The following DTNB variants were observed in gnomAD, a reference collection of about 807,000 sequenced individuals.
DTNB encodes the protein DTN-B.
Under a neutral mutation model 90.7 loss-of-function variants are expected in DTNB, and 63 were observed. The observed-to-expected ratio is 0.69, with a 90% CI of 0.57 to 0.86. The LOEUF (loss-of-function observed/expected upper bound fraction) is 0.86. Ranked by LOEUF, DTNB falls within the 40% of genes least tolerant of loss-of-function variation. The pLI is 0.00. For missense variants in DTNB, 744 were observed against 807.1 expected, an observed-to-expected ratio of 0.92 and a Z score of 0.95; for synonymous variants, 277 against 286.7, an observed-to-expected ratio of 0.97 and a Z score of 0.34.
At chr2:25,536,113 C>T (rs1451048701) in intron 8 of DTNB, among the ~76,000 whole-genome samples, 1 of 149,560 alleles carries the variant, frequency 6.7e-6, no homozygotes, top group Non-Finnish European at 1.5e-5. Context: ...ACGGGGCGGC[C>T]GGGCAGAGGC....
intron 16 of DTNB, among the ~76,000 whole-genome samples, chr2:25,417,448 A>C (rs1020448546): frequency 6.6e-6 from 1 of 152,264 alleles, no homozygotes; most frequent in Non-Finnish European, 1.5e-5. Context: ...ATGGTAATCC[A>C]TAAAAATTTT....
At chr2:25,575,502 T>G (rs971418493) in intron 8 of DTNB, among the ~76,000 whole-genome samples, 1 of 152,168 alleles carries the variant, frequency 6.6e-6, no homozygotes, top group African/African-American at 2.4e-5. Context: ...TATCATTAAT[T>G]ATAACAGAAA....
chr2:25,650,940 G>A lies in DTNB; in HGVS notation c.67+1654C>T, dbSNP rs373530652. Among the ~76,000 whole-genome samples the A allele has an allele frequency of 5.9e-5, 9 of 151,658 alleles. No homozygotes were observed. In the East Asian group the frequency reaches 7.8e-4, roughly 13 times the overall value. On this transcript the variant is annotated intron_variant, in intron 2 of 20. Coordinates refer to ENST00000406818, the MANE Select transcript of DTNB (RefSeq NM_021907.5). ...GGCGCCACTGCACTCCCGCCTGGGC[G>A]GCTGAGTGAGACTCCCTCTCAAAAA...
chr2:25,417,016 T>A (rs1182963462), intron 16 of DTNB, among the ~76,000 whole-genome samples: 1 of 152,186 alleles, frequency 6.6e-6, no homozygotes, highest in Admixed American at 6.6e-5. Flanking sequence ...CAGTCCAAAT[T>A]TGAGCCTCAG....
At chr2:25,616,784 T>C (rs1170147897) in intron 4 of DTNB, among the ~76,000 whole-genome samples, 1 of 151,296 alleles carries the variant, frequency 6.6e-6, no homozygotes. Flanking sequence ...TACAAAAAAT[T>C]AGCCGGGCGT....
intron 8 of DTNB, among the ~76,000 whole-genome samples, chr2:25,573,223 G>C (rs1431326602): frequency 6.6e-6 from 1 of 152,066 alleles, no homozygotes; most frequent in African/African-American, 2.4e-5. Context: ...TCGGATTACA[G>C]GAGTGAGCCA....
At chr2:25,463,942 C>T (rs1280679434) in intron 10 of DTNB, among the ~76,000 whole-genome samples, 2 of 152,142 alleles carry the variant, frequency 1.3e-5, no homozygotes, top group African/African-American at 4.8e-5. Context: ...GCTCTGTTGC[C>T]CAGGCTGCAC....
chr2:25,670,633 T>C (rs573164906), intron 1 of DTNB, among the ~76,000 whole-genome samples: 2 of 152,268 alleles, frequency 1.3e-5, no homozygotes, highest in East Asian at 1.9e-4. Context: ...TGAATGGTGC[T>C]CCCTAAAGCT....
intron 5 of DTNB, among the ~76,000 whole-genome samples, chr2:25,597,775 G>T (rs929803946): frequency 6.6e-6 from 1 of 152,146 alleles, no homozygotes; most frequent in African/African-American, 2.4e-5. Flanking sequence ...AAGTGCAAGC[G>T]CTCTGTTAGG....
At position 25,652,596 on chromosome 2, in the gene DTNB, A is replaced by G. The variant is rs763203642; in HGVS notation, c.65T>C (p.Met22Thr). The change falls in exon 2 of 21, where the codon ATG becomes ACG. Residue 22 changes from methionine to threonine, a missense_variant and splice_region_variant. Transcript: ENST00000406818. ...ATGAACAAGGACTCAAGACTCACGC[A>G]TTTCTATGAACAGCTGCCTCTTCTC... Reference protein sequence around the residue: ...MAEKRQLFIEMRAQNFDVIRL... With the variant: ...MAEKRQLFIETRAQNFDVIRL... The G allele has an allele frequency of 4.3e-6, 7 of 1,611,240 alleles. No individual in the cohort carries two copies. In the East Asian group the frequency reaches 1.3e-4, roughly 31 times the overall value.
intron 12 of DTNB, among the ~76,000 whole-genome samples, chr2:25,443,960 G>A (rs961028405): frequency 1.3e-5 from 2 of 152,352 alleles, no homozygotes; most frequent in South Asian, 2.1e-4. Flanking sequence ...TGGAGCAGCT[G>A]ACAAGGAGAT....
chr2:25,599,775 A>G (rs1424794149), intron 5 of DTNB, among the ~76,000 whole-genome samples: 1 of 152,210 alleles, frequency 6.6e-6, no homozygotes, highest in Non-Finnish European at 1.5e-5. Context: ...AAAGGAGGGA[A>G]GAACATAAAT....
rs2076767267 is a variant in DTNB, at chr2:25,634,755, A to AC, written c.148+4258dup. Among the ~76,000 whole-genome samples, 4 of 114,590 alleles carry AC rather than the reference A, an allele frequency of 3.5e-5. 1 individual carries two copies. In the South Asian group the frequency reaches 1.2e-3, roughly 33 times the overall value. 75.2% of individuals were successfully genotyped at this position (114,590 alleles called of 152,430 possible). A position where few individuals can be genotyped will look rare whatever the true frequency, so the allele number is the denominator to read the frequency against. ...TGGGATCCTGTTGATTGGTGACCTT[A>AC]CCCCCAACCCTGTGCTCTCTGAAAC... On this transcript the variant is annotated intron_variant, in intron 3 of 20. Transcript: ENST00000406818.
At chr2:25,655,238 T>C (rs1362509922) in intron 1 of DTNB, among the ~76,000 whole-genome samples, 1 of 152,218 alleles carries the variant, frequency 6.6e-6, no homozygotes, top group East Asian at 1.9e-4. Flanking sequence ...CAGAAGCGGC[T>C]TTCTTCCTCT....
At chr2:25,503,035 C>T (rs1422529919) in intron 9 of DTNB, among the ~76,000 whole-genome samples, 1 of 99,878 alleles carries the variant, frequency 1.0e-5, no homozygotes, top group African/African-American at 3.9e-5. Context: ...GCCAGAGTGA[C>T]AGAGCAAGAC....
rs543708547 is a variant in DTNB at position 25,671,554 on chromosome 2, C to T, written c.-2+1832G>A. The stretch of plus-strand genomic sequence containing the variant: ...TTTTGATTATTACTTATTTTTCACA[C>T]GAAGAAACTAAGGCCCTGAGAGAGT... On this transcript the variant is annotated intron_variant, in intron 1 of 20. Coordinates refer to ENST00000406818, the MANE Select transcript of DTNB (RefSeq NM_021907.5). Among the ~76,000 whole-genome samples, 31 of 152,178 alleles carry T rather than the reference C, an allele frequency of 2.0e-4. 1 individual carries two copies. The East Asian group carries it at 3.3e-3, about 16-fold the overall frequency.
chr2:25,608,702 A>C (rs553885616), intron 4 of DTNB, among the ~76,000 whole-genome samples: 162 of 152,318 alleles, frequency 1.1e-3, no homozygotes, highest in African/African-American at 3.8e-3. Flanking sequence ...GACACCAAGC[A>C]CTTGAAAGCT....
intron 16 of DTNB, among the ~76,000 whole-genome samples, chr2:25,396,504 C>A (rs2042392668): frequency 6.7e-6 from 1 of 149,760 alleles, no homozygotes; most frequent in South Asian, 2.1e-4. Context: ...GAGCAAGACA[C>A]TGTCTCAGGA....
chr2:25,423,998 G>A (rs1306004625), intron 15 of DTNB, among the ~76,000 whole-genome samples: 5 of 152,110 alleles, frequency 3.3e-5, no homozygotes, highest in Non-Finnish European at 7.3e-5. Flanking sequence ...ATGGGTTGAT[G>A]AATATATATT....
Sources: allele counts gnomAD v4.1 joint callset (sites outside exome capture counted in the v4.1 genomes callset), GRCh38; gene constraint gnomAD v4.1.1; transcripts MANE v1.5; gene names NCBI Gene and HGNC (gene_info 2026-07-23, HGNC 2026-07-21).